TAOK3: variants seen among roughly 807,000 people sequenced by gnomAD.
TAOK3 encodes the protein TAO kinase 3, also known as serine/threonine-protein kinase TAO3.
A neutral mutation model predicts 120.4 loss-of-function variants in TAOK3; 40 were observed. That is an observed-to-expected ratio of 0.33 (90% CI 0.26 to 0.43). The LOEUF (loss-of-function observed/expected upper bound fraction) is 0.43. TAOK3 is among the 20% of genes least tolerant of loss of function. The pLI, the probability that TAOK3 is intolerant of heterozygous loss-of-function variation, is 1.00. For missense variants in TAOK3, 821 were observed against 1,112.1 expected, an observed-to-expected ratio of 0.74 and a Z score of 3.72; for synonymous variants, 355 against 387.5, an observed-to-expected ratio of 0.92 and a Z score of 0.99.
intron 19 of TAOK3, among the ~76,000 whole-genome samples, chr12:118,158,707 A>C (rs989689602): frequency 2.0e-5 from 3 of 152,174 alleles, no homozygotes; most frequent in African/African-American, 7.2e-5. Flanking sequence ...TTCTGCTAAT[A>C]TCTTTCTGTA....
chr12:118,368,897 G>C (rs527309588), intron 1 of TAOK3, among the ~76,000 whole-genome samples: 1 of 150,976 alleles, frequency 6.6e-6, no homozygotes, highest in South Asian at 2.1e-4. Context: ...GTGGGTTTAT[G>C]CCTGTAATCC....
chr12:118,201,672 T>A (rs1437546444), intron 11 of TAOK3, among the ~76,000 whole-genome samples: 1 of 152,214 alleles, frequency 6.6e-6, no homozygotes, highest in Non-Finnish European at 1.5e-5. Context: ...TTAAGCCCCA[T>A]TTTGCGGATG....
At chr12:118,307,316 C>G (rs1162574819) in intron 1 of TAOK3, among the ~76,000 whole-genome samples, 2 of 151,988 alleles carry the variant, frequency 1.3e-5, no homozygotes, top group Admixed American at 6.6e-5. Flanking sequence ...TAGTCTAACT[C>G]TGACCTTAGG....
Position 118,214,824 on chromosome 12 carries a change from C to A in TAOK3, c.644-714G>T, listed in dbSNP as rs192902598. On this transcript the variant is annotated intron_variant, in intron 9 of 20. Transcript: ENST00000392533. ...GCAATGGAACGATCCCAGCTCACTA[C>A]AACCTCCGCCTCCCAGGTTCAAGCA... Among the ~76,000 whole-genome samples the A allele has an allele frequency of 1.7e-3, 250 of 151,246 alleles. 1 individual carries two copies. The highest frequency in any genetic ancestry group is 6.0e-3 in the African/African-American group (246 of 41,180).
intron 1 of TAOK3, among the ~76,000 whole-genome samples, chr12:118,289,994 CAAAA>C (rs201999011): frequency 8.1e-6 from 1 of 124,082 alleles, no homozygotes; most frequent in Non-Finnish European, 1.7e-5. Flanking sequence ...AACTCCATTG[CAAAA>C]AAAAAAAAAG....
At chr12:118,231,372 T>C (rs1396233540) in intron 9 of TAOK3, among the ~76,000 whole-genome samples, 2 of 139,940 alleles carry the variant, frequency 1.4e-5, no homozygotes, top group African/African-American at 6.1e-5. Flanking sequence ...CAGGAATTCT[T>C]TTTTTTTTTT....
intron 1 of TAOK3, among the ~76,000 whole-genome samples, chr12:118,358,698 C>T (rs2045490576): frequency 6.6e-6 from 1 of 152,026 alleles, no homozygotes; most frequent in Non-Finnish European, 1.5e-5. Flanking sequence ...TGAAAAATTG[C>T]CACTTTTATT....
At chr12:118,359,113 C>G (rs1345956463) in intron 1 of TAOK3, 1 of 152,146 alleles carries the variant, frequency 6.6e-6, no homozygotes, top group East Asian at 1.9e-4. Flanking sequence ...GCACCTTCAT[C>G]CCGAGAAAGG....
At chr12:118,159,333 CAG>C (rs2035062136) in intron 19 of TAOK3, among the ~76,000 whole-genome samples, 1 of 144,408 alleles carries the variant, frequency 6.9e-6, no homozygotes, top group Non-Finnish European at 1.5e-5. Flanking sequence ...TTTTTTGAGA[CAG>C]AGTCTTGCTC....
chr12:118,222,159 A>G lies in TAOK3; in HGVS notation c.644-8049T>C, dbSNP rs560948831. On this transcript the variant is annotated intron_variant, in intron 9 of 20. Transcript: ENST00000392533. ...AAGAGTAAACTAAATTAGAGTGCCT[A>G]CATGTATGTTTATCACAGCCCAATT... Among the ~76,000 whole-genome samples the G allele has an allele frequency of 2.6e-5, 4 of 152,272 alleles. No individual in the cohort carries two copies. The East Asian group carries it at 5.8e-4, about 22-fold the overall frequency.
rs758709238 is a variant in TAOK3 at position 118,201,292 on chromosome 12, C to A, written c.987+4G>T. On this transcript the variant is annotated splice_donor_region_variant and intron_variant, in intron 12 of 20. Coordinates refer to ENST00000392533, the MANE Select transcript of TAOK3 (RefSeq NM_016281.4). ...AAGTGCCTGCTAAAATAAATTGAAC[C>A]TACTTCCTCATCCTCCTGTGACTCA... 2 of 1,610,696 alleles carry A rather than the reference C, an allele frequency of 1.2e-6. No homozygotes were observed.
chr12:118,151,263 G>A (rs1210030617), intron 20 of TAOK3, 105 bp from the exon 21 acceptor site: 78 of 1,178,514 alleles, frequency 6.6e-5, no homozygotes, highest in Non-Finnish European at 8.5e-5. Context: ...CACACACATA[G>A]GCACACACAT....
intron 1 of TAOK3, among the ~76,000 whole-genome samples, chr12:118,341,146 C>A (rs187762973): frequency 1.8e-4 from 27 of 151,968 alleles, no homozygotes; most frequent in Admixed American, 1.8e-3. Context: ...AGTACAGGCA[C>A]CTGCCGCCAT....
At chr12:118,322,796 G>A (rs977381717) in intron 1 of TAOK3, among the ~76,000 whole-genome samples, 7 of 135,170 alleles carry the variant, frequency 5.2e-5, no homozygotes, top group Non-Finnish European at 9.1e-5. Context: ...CACAATCTCA[G>A]CTAACTGCAA....
chr12:118,280,628 T>C (rs2042068498), intron 1 of TAOK3, among the ~76,000 whole-genome samples: 1 of 152,232 alleles, frequency 6.6e-6, no homozygotes, highest in Non-Finnish European at 1.5e-5. Context: ...TAACAGGTAA[T>C]GTGATGCTTC....
chr12:118,230,234 C>T (rs1043173534), intron 9 of TAOK3, among the ~76,000 whole-genome samples: 12 of 152,030 alleles, frequency 7.9e-5, no homozygotes, highest in Admixed American at 7.2e-4. Flanking sequence ...GCCATCATTT[C>T]CCCATTGATC....
chr12:118,274,328 G>C (rs1315062143), intron 1 of TAOK3, among the ~76,000 whole-genome samples: 1 of 152,072 alleles, frequency 6.6e-6, no homozygotes, highest in East Asian at 1.9e-4. Context: ...ACATTTAAGA[G>C]CTGAAAAAGG....
chr12:118,156,417 A>G (rs2034829348), intron 19 of TAOK3, among the ~76,000 whole-genome samples: 1 of 151,830 alleles, frequency 6.6e-6, no homozygotes, highest in Non-Finnish European at 1.5e-5. Context: ...TGGTCCTTAA[A>G]TGTGGGTGTT....
chr12:118,283,786 G>C (rs1282209435), intron 1 of TAOK3: 1 of 198,308 alleles, frequency 5.0e-6, no homozygotes, highest in Non-Finnish European at 1.1e-5. Flanking sequence ...ATTTTTTATA[G>C]GAAATGGTGG....
Sources: gnomAD v4.1 joint callset for allele counts (sites outside exome capture counted in the v4.1 genomes callset) on GRCh38, gnomAD v4.1.1 for gene constraint, MANE v1.5 for transcripts, NCBI Gene and HGNC (gene_info 2026-07-23, HGNC 2026-07-21) for gene names.